The following AHI1 variants were observed in gnomAD, a reference collection of about 807,000 sequenced individuals.
AHI1 encodes the protein Abelson helper integration site 1, also known as jouberin.
In AHI1, 123 loss-of-function variants were observed where a neutral mutation model predicts 149.3. That is an observed-to-expected ratio of 0.82 (90% confidence interval 0.71 to 0.96). The LOEUF is 0.96. AHI1 is among the 40% of genes least tolerant of loss of function. The pLI is 0.00. For missense variants in AHI1, 1,439 were observed against 1,422.7 expected, an observed-to-expected ratio of 1.01 and a Z score of -0.18; for synonymous variants, 475 against 459.8, an observed-to-expected ratio of 1.03 and a Z score of -0.42.
intron 8 of AHI1, among the ~76,000 whole-genome samples, chr6:135,458,866 T>C (rs1049535480): frequency 6.6e-6 from 1 of 152,132 alleles, no homozygotes; most frequent in Non-Finnish European, 1.5e-5. Context: ...TTTAGGGCTA[T>C]GAATTATTAG....
Position 135,283,871 on chromosome 6 carries a change from T to C in AHI1, c.*1774A>G, listed in dbSNP as rs1781467002. 2 of 152,174 alleles carry C rather than the reference T, an allele frequency of 1.3e-5. No homozygotes were observed. Among genetic ancestry groups the C allele is most frequent in the South Asian group, 2.1e-4 (1 of 4,824 alleles). The allele number at this position is 152,174 out of a possible 1,614,324, so 9.4% of individuals were successfully genotyped here. ...ATATAAACATCAAGAGCTTAGCAAATGCTTAGCTCCCCCTGACATATTTTT... is the reference window on the plus strand; with the variant it reads ...ATATAAACATCAAGAGCTTAGCAAACGCTTAGCTCCCCCTGACATATTTTT... On this transcript the variant is annotated 3_prime_UTR_variant, in exon 29 of 29. Transcript: ENST00000265602.
intron 10 of AHI1, among the ~76,000 whole-genome samples, chr6:135,453,719 TA>T (rs1170201421): frequency 1.3e-5 from 2 of 152,138 alleles, no homozygotes; most frequent in Non-Finnish European, 2.9e-5. Context: ...ACAAATATAA[TA>T]GGCATAGAAT....
At chr6:135,374,927 T>A (rs192790320) in intron 23 of AHI1, among the ~76,000 whole-genome samples, 2 of 152,188 alleles carry the variant, frequency 1.3e-5, no homozygotes, top group Non-Finnish European at 2.9e-5. Flanking sequence ...ATAAACTACA[T>A]GAGATATTCA....
chr6:135,461,481 T>C (rs181899814), intron 8 of AHI1, among the ~76,000 whole-genome samples: 1 of 152,168 alleles, frequency 6.6e-6, no homozygotes, highest in Admixed American at 6.5e-5. Flanking sequence ...CAAACACTGC[T>C]AGTGTCAACT....
chr6:135,402,383 G>C (rs553453018), intron 22 of AHI1, among the ~76,000 whole-genome samples: 1 of 152,154 alleles, frequency 6.6e-6, no homozygotes, highest in African/African-American at 2.4e-5. Flanking sequence ...GTTTGTAGGA[G>C]TATTATCTTA....
At chr6:135,328,396 A>T (rs2128393774) in intron 24 of AHI1, among the ~76,000 whole-genome samples, 1 of 152,324 alleles carries the variant, frequency 6.6e-6, no homozygotes, top group South Asian at 2.1e-4. Flanking sequence ...AATTCTTACA[A>T]CAGTTCAAAT....
chr6:135,436,660 T>C (rs1020569530), intron 15 of AHI1, among the ~76,000 whole-genome samples: 4 of 152,186 alleles, frequency 2.6e-5, no homozygotes, highest in African/African-American at 7.2e-5. Flanking sequence ...TGGAGTGCAA[T>C]GGCGCAATCT....
intron 13 of AHI1, among the ~76,000 whole-genome samples, chr6:135,443,403 T>C (rs540954964): frequency 6.6e-6 from 1 of 152,312 alleles, no homozygotes; most frequent in Non-Finnish European, 1.5e-5. Flanking sequence ...AGTTCTTCTG[T>C]TTCTTATAAT....
chr6:135,426,458 T>C (rs1238798121), intron 20 of AHI1, among the ~76,000 whole-genome samples: 1 of 151,706 alleles, frequency 6.6e-6, no homozygotes, highest in Non-Finnish European at 1.5e-5. Context: ...ATTCAATCTA[T>C]ATTAACTTAA....
At chr6:135,328,700 C>G (rs1449614473) in intron 24 of AHI1, among the ~76,000 whole-genome samples, 1 of 151,930 alleles carries the variant, frequency 6.6e-6, no homozygotes, top group Non-Finnish European at 1.5e-5. Context: ...AAAAGAGTTG[C>G]AAGTCCTTCA....
At chr6:135,494,908 T>C (rs1795761649) in intron 3 of AHI1, among the ~76,000 whole-genome samples, 2 of 152,176 alleles carry the variant, frequency 1.3e-5, no homozygotes, top group Admixed American at 1.3e-4. Flanking sequence ...CTGGAGGTTT[T>C]GAAGAAAGTC....
chr6:135,427,399 T>C, intron 19 of AHI1, 92 bp from the exon 20 acceptor site: 2 of 1,125,668 alleles, frequency 1.8e-6, no homozygotes, highest in Admixed American at 2.5e-5. Flanking sequence ...TATTAGAAAA[T>C]ATTTATAGCA....
intron 23 of AHI1, among the ~76,000 whole-genome samples, chr6:135,386,904 G>C (rs867235149): frequency 4.6e-5 from 7 of 152,082 alleles, no homozygotes; most frequent in African/African-American, 1.7e-4. Flanking sequence ...GGGATCATAA[G>C]GCATGAGCCA....
Position 135,466,035 on chromosome 6 carries a change from T to C in AHI1, c.528A>G (p.Gly176=), listed in dbSNP as rs200871037. The change falls in exon 7 of 29, where the codon GGA becomes GGG. Residue 176 remains glycine (G), a synonymous_variant. Transcript: ENST00000265602. The stretch of plus-strand genomic sequence containing the variant: ...CCTCTTCTAAATCAGTCTCTTCTCT[T>C]CCCTCATTTGCCTTCTCACTTTTCT... ...DHQKSEKANE[G]REETDLEEDE... The C allele has an allele frequency of 6.2e-7, 1 of 1,613,978 alleles. No individual in the cohort carries two copies. The highest frequency in any genetic ancestry group is 8.5e-7 in the Non-Finnish European group (1 of 1,179,872).
intron 24 of AHI1, among the ~76,000 whole-genome samples, chr6:135,332,999 A>G (rs1788826851): frequency 6.6e-6 from 1 of 152,208 alleles, no homozygotes; most frequent in South Asian, 2.1e-4. Flanking sequence ...CATTCTGGCT[A>G]TCAGAAATGC....
intron 5 of AHI1, among the ~76,000 whole-genome samples, chr6:135,473,592 T>C (rs1382889797): frequency 1.3e-5 from 2 of 152,176 alleles, no homozygotes; most frequent in Non-Finnish European, 2.9e-5. Flanking sequence ...ATTTAACAGA[T>C]CATTTGTCAG....
At position 135,458,377 on chromosome 6, in the gene AHI1, G is replaced by A. The variant is rs182145882; in HGVS notation, c.932-664C>T. Among the ~76,000 whole-genome samples, 7 of 152,256 alleles carry A rather than the reference G, an allele frequency of 4.6e-5. No individual in the cohort carries two copies. The East Asian group carries it at 7.7e-4, about 17-fold the overall frequency. On this transcript the variant is annotated intron_variant, in intron 8 of 28. Coordinates refer to ENST00000265602, the MANE Select transcript of AHI1 (RefSeq NM_001134831.2). The stretch of plus-strand genomic sequence containing the variant: ...ACAGGACTAAAATGATAAAACTGGA[G>A]ATTTGAGAAGCCTCAAACACATGAC...
chr6:135,432,375 T>C (rs938895845), intron 16 of AHI1, among the ~76,000 whole-genome samples: 54 of 152,236 alleles, frequency 3.5e-4, no homozygotes, highest in African/African-American at 1.3e-3. Flanking sequence ...TTTTTTGAGA[T>C]GGAGTCTCAC....
At chr6:135,385,975 A>G (rs1195111040) in intron 23 of AHI1, among the ~76,000 whole-genome samples, 1 of 152,208 alleles carries the variant, frequency 6.6e-6, no homozygotes, top group East Asian at 1.9e-4. Context: ...GCATTTACCA[A>G]TGGGAGAACA....
Sources: gnomAD v4.1 joint callset for allele counts (sites outside exome capture counted in the v4.1 genomes callset) on GRCh38, gnomAD v4.1.1 for gene constraint, MANE v1.5 for transcripts, NCBI Gene and HGNC (gene_info 2026-07-23, HGNC 2026-07-21) for gene names.